The following SHANK2 variants were observed in gnomAD, a reference collection of about 807,000 sequenced individuals.
SHANK2 encodes SH3 and multiple ankyrin repeat domains 2.
In SHANK2, 43 loss-of-function variants were observed where a neutral mutation model predicts 133.7. That is an observed-to-expected ratio of 0.32 (90% CI 0.25 to 0.41). The LOEUF (loss-of-function observed/expected upper bound fraction) is 0.41, where lower values mean the gene tolerates loss of function less well. Among genes scored for constraint, SHANK2 ranks in the 10% least tolerant of loss-of-function variants. SHANK2 has a pLI of 1.00. For synonymous variants in SHANK2, 1,017 were observed against 952.8 expected, an observed-to-expected ratio of 1.07 and a Z score of -1.24; for missense variants, 1,994 against 2,235.8, an observed-to-expected ratio of 0.89 and a Z score of 2.18.
chr11:70,913,148 T>C (rs573808558), intron 10 of SHANK2, among the ~76,000 whole-genome samples: 2 of 151,102 alleles, frequency 1.3e-5, no homozygotes, highest in Admixed American at 1.3e-4. Flanking sequence ...TATAAATAAA[T>C]TCAGGTTAGG....
chr11:71,112,738 T>G (rs1346449580), intron 5 of SHANK2, among the ~76,000 whole-genome samples: 7 of 152,068 alleles, frequency 4.6e-5, no homozygotes, highest in Non-Finnish European at 1.5e-5. Context: ...CCACGCCTCC[T>G]CCTCGACTCG....
rs1464928938 is a variant in SHANK2 at position 71,113,240 on chromosome 11, C to G, written c.483+53G>C. 6.8e-6 allele frequency: 10 copies of G among 1,464,982 alleles called. No homozygotes were observed. The East Asian group carries it at 2.2e-4, about 33-fold the overall frequency. 90.7% of individuals were successfully genotyped at this position (1,464,982 alleles called of 1,614,324 possible). A position where few individuals can be genotyped will look rare whatever the true frequency, so the allele number is the denominator to read the frequency against. ...GTCTAAAGATAACACAACAAGATAA[C>G]AAGGAGGACGCCGCCTGCCTAACGT... On this transcript the variant is annotated intron_variant, in intron 5 of 25. Coordinates refer to ENST00000601538, the MANE Select transcript of SHANK2 (RefSeq NM_012309.5).
At chr11:70,919,768 C>T (rs1950321988) in intron 10 of SHANK2, among the ~76,000 whole-genome samples, 1 of 152,210 alleles carries the variant, frequency 6.6e-6, no homozygotes, top group African/African-American at 2.4e-5. Context: ...CTCCCAGCTT[C>T]TGGTAGCCAC....
intron 25 of SHANK2, among the ~76,000 whole-genome samples, chr11:70,478,405 G>A (rs2058691225): frequency 6.6e-6 from 1 of 152,214 alleles, no homozygotes; most frequent in Non-Finnish European, 1.5e-5. Flanking sequence ...CAGCACTGAG[G>A]CTGGACTTGG....
chr11:70,874,256 T>C (rs1949518843), intron 11 of SHANK2, among the ~76,000 whole-genome samples: 1 of 152,004 alleles, frequency 6.6e-6, no homozygotes, highest in Admixed American at 6.6e-5. Flanking sequence ...ATCCCTCTAA[T>C]CTAATCTAAT....
At chr11:70,930,000 A>C (rs1248849601) in intron 10 of SHANK2, among the ~76,000 whole-genome samples, 1 of 152,212 alleles carries the variant, frequency 6.6e-6, no homozygotes. Flanking sequence ...TGAGGACCAC[A>C]CGGTCTCTGT....
intron 17 of SHANK2, among the ~76,000 whole-genome samples, chr11:70,537,616 C>T (rs1554974383): frequency 6.6e-6 from 1 of 152,220 alleles, no homozygotes; most frequent in African/African-American, 2.4e-5. Context: ...TGTCTGACTT[C>T]TGGCTCCCAG....
chr11:70,870,592 G>T (rs903555605), intron 11 of SHANK2, among the ~76,000 whole-genome samples: 2 of 152,090 alleles, frequency 1.3e-5, no homozygotes, highest in African/African-American at 4.8e-5. Context: ...GGTGTTGGCA[G>T]TGGGGGGGTT....
At position 71,179,401 on chromosome 11, in the gene SHANK2, A is replaced by G. The variant is rs145160364; in HGVS notation, c.-12-32063T>C. 1.9e-4 allele frequency among the ~76,000 whole-genome samples: 29 copies of G among 152,354 alleles called. 1 individual carries two copies. The highest frequency in any genetic ancestry group is 4.1e-4 in the South Asian group (2 of 4,826). ...AGTTGCAGAAAAAGCATTTCATAAA[A>G]TCTAACACAGATTCAGGATAAAATC... On this transcript the variant is annotated intron_variant, in intron 2 of 25. Transcript: ENST00000601538.
rs150167014 is a variant in SHANK2, at chr11:70,729,683, C to A, written c.1778-30920G>T. Among the ~76,000 whole-genome samples, 1,491 of 151,724 alleles carry A rather than the reference C, an allele frequency of 9.8e-3. 33 individuals are homozygous for A. Among genetic ancestry groups the A allele is most frequent in the African/African-American group, 0.035 (1,427 of 41,336 alleles). ...GGGACTACAGGTGCCCGCTACCACA[C>A]CCGGCTAATTTTTTTTTGTATTTTT... On this transcript the variant is annotated intron_variant, in intron 14 of 25. Transcript: ENST00000601538.
At chr11:70,605,668 G>A (rs76016222) in intron 17 of SHANK2, among the ~76,000 whole-genome samples, 7,965 of 152,294 alleles carry the variant, frequency 0.052, 683 homozygotes, top group African/African-American at 0.18. Flanking sequence ...AGGAGGCGGA[G>A]GGGGACGAGG....
At position 70,807,271 on chromosome 11, in the gene SHANK2, C is replaced by T. The variant is rs1948183602; in HGVS notation, c.1494-100G>A. The T allele has an allele frequency of 3.0e-6, 2 of 669,988 alleles. No individual in the cohort carries two copies. Among genetic ancestry groups the T allele is most frequent in the Middle Eastern group, 2.4e-4 (1 of 4,200 alleles). The allele number at this position is 669,988 out of a possible 1,614,324, so 41.5% of individuals were successfully genotyped here. A position where few individuals can be genotyped will look rare whatever the true frequency, so the allele number is the denominator to read the frequency against. The stretch of plus-strand genomic sequence containing the variant: ...CCAAGCCATTCAACGCATGCTGCGC[C>T]TCGGCTGGCCGCATCAGAACTCCTG... On this transcript the variant is annotated intron_variant, in intron 12 of 25. Coordinates refer to ENST00000601538, the MANE Select transcript of SHANK2 (RefSeq NM_012309.5). This position sits in a 1 kb window ranked among gnomAD's most constrained non-coding sequence, Gnocchi z 4.8.
chr11:70,925,559 A>G (rs1405083356), intron 10 of SHANK2, among the ~76,000 whole-genome samples: 4 of 152,242 alleles, frequency 2.6e-5, no homozygotes, highest in African/African-American at 9.6e-5. Flanking sequence ...AATCATTCCT[A>G]TGGTAGAGCT....
chr11:70,826,919 G>C (rs1487281378), intron 11 of SHANK2, among the ~76,000 whole-genome samples: 1 of 152,274 alleles, frequency 6.6e-6, no homozygotes, highest in Admixed American at 6.5e-5. Flanking sequence ...GTTATCCAAG[G>C]AAACTCGGGC....
chr11:70,477,351 T>G (rs2058676916), intron 25 of SHANK2: 1 of 152,240 alleles, frequency 6.6e-6, no homozygotes, highest in African/African-American at 2.4e-5. Context: ...CCCTTCGGCC[T>G]GCCACAGCCT....
intron 17 of SHANK2, among the ~76,000 whole-genome samples, chr11:70,659,181 G>C (rs1182023044): frequency 6.6e-6 from 1 of 152,162 alleles, no homozygotes; most frequent in Non-Finnish European, 1.5e-5. Context: ...CAGAGCCGGA[G>C]CACTCAAACC....
chr11:70,563,555 T>TTC (rs2059933697), intron 17 of SHANK2, among the ~76,000 whole-genome samples: 1 of 148,990 alleles, frequency 6.7e-6, no homozygotes, highest in Non-Finnish European at 1.5e-5. Flanking sequence ...TTTTTTTTTT[T>TTC]GAGATGGAGT....
intron 8 of SHANK2, among the ~76,000 whole-genome samples, chr11:71,086,073 A>G (rs1295233390): frequency 2.3e-4 from 12 of 51,624 alleles, no homozygotes; most frequent in South Asian, 8.4e-4. Context: ...TATATAATAT[A>G]TTATGTTATA....
At chr11:70,555,879 C>T (rs1035284366) in intron 17 of SHANK2, among the ~76,000 whole-genome samples, 1 of 152,358 alleles carries the variant, frequency 6.6e-6, no homozygotes, top group East Asian at 1.9e-4. Flanking sequence ...GCCTAATCCA[C>T]AGCAAGGCCC....
Sources: allele counts gnomAD v4.1 joint callset (sites outside exome capture counted in the v4.1 genomes callset), GRCh38; gene constraint gnomAD v4.1.1; non-coding constraint Gnocchi (gnomAD v3.1); transcripts MANE v1.5; gene names NCBI Gene and HGNC (gene_info 2026-07-23, HGNC 2026-07-21).